The following PSMG2 variants were observed in gnomAD, a reference collection of about 807,000 sequenced individuals.
PSMG2 encodes proteasome assembly chaperone 2, also known as CD40 ligand-activated specific transcript 3.
Under a neutral mutation model 31.5 loss-of-function variants are expected in PSMG2, and 21 were observed. That is an observed-to-expected ratio of 0.67 (90% CI 0.47 to 0.96). The LOEUF is 0.96. Ranked by LOEUF, PSMG2 falls within the 40% of genes least tolerant of loss-of-function variation. The pLI is 0.00. For missense variants in PSMG2, 318 were observed against 321.2 expected, an observed-to-expected ratio of 0.99 and a Z score of 0.08; for synonymous variants, 120 against 110.4, an observed-to-expected ratio of 1.09 and a Z score of -0.54.
chr18:12,664,279 C>A (rs9959039), intron 1 of PSMG2, among the ~76,000 whole-genome samples: 42,404 of 151,824 alleles, frequency 0.28, 6,022 homozygotes, highest in Non-Finnish European at 0.32. Context: ...CATGGTGGCT[C>A]ACACCTATAA....
intron 3 of PSMG2, among the ~76,000 whole-genome samples, chr18:12,718,005 CTTTTTTCTTTT>C (rs2040394223): frequency 1.4e-5 from 2 of 141,896 alleles, no homozygotes; most frequent in South Asian, 4.3e-4. Context: ...TTTTCTTTTT[CTTTTTTCTTTT>C]TTTTTTTTTT....
At chr18:12,699,427 T>C (rs1248261487), upstream of PSMG2, among the ~76,000 whole-genome samples, 1 of 152,192 alleles carries the variant, frequency 6.6e-6, no homozygotes, top group African/African-American at 2.4e-5. Flanking sequence ...TCCAGGCTAC[T>C]TTCTCCCAGC....
At chr18:12,660,320 A>ATTTTTTTT (rs11433721) in intron 1 of PSMG2, among the ~76,000 whole-genome samples, 1 of 142,096 alleles carries the variant, frequency 7.0e-6, no homozygotes, top group Non-Finnish European at 1.5e-5. Flanking sequence ...AAAAAGATGC[A>ATTTTTTTT]TTTTTTTTTT....
Position 12,703,259 on chromosome 18 carries a change from TA to T in PSMG2, c.57+96del, listed in dbSNP as rs2040218346. 2.9e-5 allele frequency: 38 copies of T among 1,295,946 alleles called. 1 individual carries two copies. The South Asian group carries it at 5.3e-4, about 18-fold the overall frequency. The allele number at this position is 1,295,946 out of a possible 1,614,324, so 80.3% of individuals were successfully genotyped here. On this transcript the variant is annotated intron_variant, in intron 1 of 6. Transcript: ENST00000317615. The stretch of plus-strand genomic sequence containing the variant: ...GTGTTTGGCGGTGCCTTGGGAGAAA[TA>T]GGGCACTAGTTTCTATTTCATGTTT...
In PSMG2 at chr18:12,668,966, C is replaced by T. The variant is rs944023047; in HGVS notation, c.-37+10193C>T. 2.0e-5 allele frequency among the ~76,000 whole-genome samples: 3 copies of T among 149,698 alleles called. 1 individual carries two copies. The highest frequency in any genetic ancestry group is 4.4e-5 in the Non-Finnish European group (3 of 67,694). On this transcript the variant is annotated intron_variant, in intron 1 of 6. Coordinates refer to the PSMG2 transcript ENST00000585331. ...AAGTTGGCCAGGCTGGTCTTGAACT[C>T]CTGATCCAGGTGATCTGCCTGCCTC... is the stretch of plus-strand genomic sequence containing the variant.
At chr18:12,716,578 T>C (rs1368210834) in intron 3 of PSMG2, among the ~76,000 whole-genome samples, 2 of 151,854 alleles carry the variant, frequency 1.3e-5, no homozygotes, top group Non-Finnish European at 2.9e-5. Context: ...GTATTTTTAG[T>C]AGAGACGGGG....
chr18:12,704,057 T>C (rs12964507), intron 1 of PSMG2, among the ~76,000 whole-genome samples: 59,277 of 151,930 alleles, frequency 0.39, 11,982 homozygotes, highest in Non-Finnish European at 0.45. Flanking sequence ...TCATTACATA[T>C]AAAACACACA....
At chr18:12,678,038 A>T in intron 1 of PSMG2, 1 of 1,243,402 alleles carries the variant, frequency 8.0e-7, no homozygotes, top group Non-Finnish European at 1.2e-6. Flanking sequence ...GCACTATCAC[A>T]CACACCAAAA....
At chr18:12,664,022 G>A (rs1017542763) in intron 1 of PSMG2, among the ~76,000 whole-genome samples, 1 of 152,202 alleles carries the variant, frequency 6.6e-6, no homozygotes, top group Non-Finnish European at 1.5e-5. Context: ...AAATTAGCTA[G>A]GCATGGTGGT....
upstream of PSMG2, chr18:12,701,182 A>G (rs2040138185): frequency 5.1e-6 from 6 of 1,183,922 alleles, no homozygotes; most frequent in Admixed American, 1.3e-4. Flanking sequence ...TGAAGTTTTA[A>G]GGTTCTCCAG....
At chr18:12,668,976 G>T (rs1385963613) in intron 1 of PSMG2, among the ~76,000 whole-genome samples, 3 of 147,276 alleles carry the variant, frequency 2.0e-5, no homozygotes, top group Non-Finnish European at 4.5e-5. Context: ...CCTGATCCAG[G>T]TGATCTGCCT....
intron 1 of PSMG2, among the ~76,000 whole-genome samples, chr18:12,666,959 A>G (rs1344835260): frequency 6.6e-6 from 1 of 152,116 alleles, no homozygotes; most frequent in Non-Finnish European, 1.5e-5. Context: ...AATTCCATAT[A>G]TTACTGAAAT....
intron 1 of PSMG2, chr18:12,674,650 T>G: frequency 6.2e-7 from 1 of 1,613,990 alleles, no homozygotes; most frequent in Non-Finnish European, 8.5e-7. Flanking sequence ...AAATTCTTCA[T>G]TGCCTGCTGA....
At chr18:12,672,649 AT>A in intron 1 of PSMG2, 2 of 982,760 alleles carry the variant, frequency 2.0e-6, no homozygotes, top group Non-Finnish European at 2.4e-6. Flanking sequence ...CAAGATCACA[AT>A]TTATCAGTAT....
chr18:12,691,047 A>T (rs2039740225), intron 1 of PSMG2, among the ~76,000 whole-genome samples: 1 of 152,142 alleles, frequency 6.6e-6, no homozygotes, highest in Admixed American at 6.6e-5. Context: ...TTCCAAGTTA[A>T]ACAAAATGGA....
chr18:12,677,302 G>C (rs757393095), intron 1 of PSMG2, among the ~76,000 whole-genome samples: 5 of 151,790 alleles, frequency 3.3e-5, no homozygotes, highest in Non-Finnish European at 7.4e-5. Flanking sequence ...TGGCAGCGTG[G>C]TAGCACATGT....
chr18:12,706,503 T>C, intron 1 of PSMG2, 47 bp from the exon 2 acceptor site: 1 of 1,585,124 alleles, frequency 6.3e-7, no homozygotes, highest in Non-Finnish European at 8.6e-7. Flanking sequence ...TAAAATAAAG[T>C]GCTGCTAATT....
At chr18:12,717,543 A>G (rs1022455778) in intron 3 of PSMG2, among the ~76,000 whole-genome samples, 9 of 152,348 alleles carry the variant, frequency 5.9e-5, no homozygotes, top group Non-Finnish European at 8.8e-5. Context: ...TTCCGCACAC[A>G]TCTTTCAAGA....
chr18:12,662,515 C>T (rs1454946352), intron 1 of PSMG2, among the ~76,000 whole-genome samples: 1 of 152,224 alleles, frequency 6.6e-6, no homozygotes, highest in African/African-American at 2.4e-5. Context: ...GGGGCTCACA[C>T]CTGTAATCCC....
Sources: gnomAD v4.1 joint callset for allele counts (sites outside exome capture counted in the v4.1 genomes callset) on GRCh38, gnomAD v4.1.1 for gene constraint, MANE v1.5 for transcripts, NCBI Gene and HGNC (gene_info 2026-07-23, HGNC 2026-07-21) for gene names.